The following PRKG1 variants were observed in gnomAD, a reference collection of about 807,000 sequenced individuals.
PRKG1 encodes cGMP-dependent protein kinase 1.
PRKG1 carries 35 observed loss-of-function variants against 88.1 expected under a neutral mutation model. That is an observed-to-expected ratio of 0.40 (90% confidence interval 0.30 to 0.53). The LOEUF is 0.53. Among genes scored for constraint, PRKG1 ranks in the 20% least tolerant of loss-of-function variants. The pLI is 0.59. For synonymous variants in PRKG1, 303 were observed against 292.5 expected (o/e 1.04, Z -0.37); for missense variants, 540 against 839.8 (o/e 0.64, Z 4.41).
At chr10:51,285,916 A>C (rs1256059722) in intron 2 of PRKG1, among the ~76,000 whole-genome samples, 1 of 152,180 alleles carries the variant, frequency 6.6e-6, no homozygotes, top group African/African-American at 2.4e-5. Flanking sequence ...GACCCACTGG[A>C]AATGAGTTAA....
intron 2 of PRKG1, among the ~76,000 whole-genome samples, chr10:51,461,554 C>T (rs1417304109): frequency 6.6e-6 from 1 of 152,088 alleles, no homozygotes; most frequent in South Asian, 2.1e-4. Flanking sequence ...GATTTTCAAA[C>T]ATCCAGATTA....
intron 2 of PRKG1, among the ~76,000 whole-genome samples, chr10:51,461,758 A>G (rs1232299402): frequency 6.6e-6 from 1 of 152,190 alleles, no homozygotes; most frequent in Admixed American, 6.5e-5. Flanking sequence ...CTTAAGAAAG[A>G]CATATATAAA....
In PRKG1 at chr10:51,016,673, C is replaced by CTTCTTTCTTTTTTTTTTTTTTTTTTTT. The variant is rs1564571435; in HGVS notation, c.266+25031_266+25032insCTTTCTTTTTTTTTTTTTTTTTTTTTT. Among the ~76,000 whole-genome samples the CTTCTTTCTTTTTTTTTTTTTTTTTTTT allele has an allele frequency of 7.7e-4, 27 of 35,192 alleles. 4 individuals are homozygous for CTTCTTTCTTTTTTTTTTTTTTTTTTTT. The highest frequency in any genetic ancestry group is 3.0e-3 in the African/African-American group (21 of 7,088). 23.1% of individuals were successfully genotyped at this position (35,192 alleles called of 152,430 possible). Reference sequence around the variant, plus strand: ...AGTGAAGAAGGTATTATTATCCTTTCTTTTTTTTTTTTTTTTTTTGGAATC... The same window carrying CTTCTTTCTTTTTTTTTTTTTTTTTTTT: ...AGTGAAGAAGGTATTATTATCCTTTCTTCTTTCTTTTTTTTTTTTTTTTTTTTTTTTTTTTTTTTTTTTTTTGGAATC... On this transcript the variant is annotated intron_variant, in intron 1 of 17. Coordinates refer to the PRKG1 transcript ENST00000401604.
rs570090403 is a variant in PRKG1 at position 51,838,825 on chromosome 10, A to G, written c.698+34135A>G. Among the ~76,000 whole-genome samples, 3 of 152,306 alleles carry G rather than the reference A, an allele frequency of 2.0e-5. No individual in the cohort carries two copies. The South Asian group carries it at 6.2e-4, about 32-fold the overall frequency. ...GCCTAATGGGAAGTGATGGGAAATA[A>G]AAACAACCAAGTTCGTTCTGAGGCA... On this transcript the variant is annotated intron_variant, in intron 4 of 17. Transcript: ENST00000373980.
intron 2 of PRKG1, among the ~76,000 whole-genome samples, chr10:51,201,282 T>C (rs1212136771): frequency 6.6e-6 from 1 of 151,902 alleles, no homozygotes; most frequent in African/African-American, 2.4e-5. Context: ...CCAAACTCCA[T>C]CTCAACTACA....
chr10:51,030,773 G>A lies in PRKG1; in HGVS notation c.266+39129G>A, dbSNP rs150099570. Reference sequence around the variant, plus strand: ...CCCCTCTCTCACCATGTGATACATCGGCTCCCCTTTGCCTTTCCACCATGA... The same window carrying A: ...CCCCTCTCTCACCATGTGATACATCAGCTCCCCTTTGCCTTTCCACCATGA... On this transcript the variant is annotated intron_variant, in intron 1 of 17. Coordinates refer to the PRKG1 transcript ENST00000401604. Among the ~76,000 whole-genome samples the A allele has an allele frequency of 9.2e-5, 14 of 152,126 alleles. 1 individual carries two copies. The East Asian group carries it at 2.7e-3, about 29-fold the overall frequency.
intron 9 of PRKG1, among the ~76,000 whole-genome samples, chr10:52,197,120 T>TC (rs1367229046): frequency 2.6e-5 from 4 of 152,206 alleles, no homozygotes; most frequent in African/African-American, 9.6e-5. Context: ...AGTTTTTTTT[T>TC]CCAGCTTTTG....
intron 5 of PRKG1, among the ~76,000 whole-genome samples, chr10:51,931,145 G>C (rs1033475158): frequency 3.9e-5 from 6 of 152,138 alleles, no homozygotes; most frequent in Non-Finnish European, 5.9e-5. Flanking sequence ...TTATGGAACT[G>C]AATATTCAAT....
chr10:51,913,604 G>C (rs1842273544), intron 5 of PRKG1, among the ~76,000 whole-genome samples: 1 of 152,124 alleles, frequency 6.6e-6, no homozygotes, highest in African/African-American at 2.4e-5. Context: ...TACAGGTATA[G>C]AGTTTCTTGG....
At chr10:51,272,913 TG>T (rs1840019279) in intron 2 of PRKG1, among the ~76,000 whole-genome samples, 1 of 152,202 alleles carries the variant, frequency 6.6e-6, no homozygotes, top group Non-Finnish European at 1.5e-5. Flanking sequence ...AATACTGTCA[TG>T]GCTTGTATTA....
chr10:51,271,736 A>G (rs1446421475), intron 2 of PRKG1, among the ~76,000 whole-genome samples: 1 of 152,218 alleles, frequency 6.6e-6, no homozygotes, highest in Admixed American at 6.5e-5. Context: ...TGTCCCTGCA[A>G]AGGGCATGAA....
intron 1 of PRKG1, among the ~76,000 whole-genome samples, chr10:51,086,589 C>G (rs1210199240): frequency 1.3e-5 from 2 of 152,026 alleles, no homozygotes; most frequent in Non-Finnish European, 2.9e-5. Context: ...ATTATATAAC[C>G]ACGATAGTTT....
intron 1 of PRKG1, among the ~76,000 whole-genome samples, chr10:51,014,741 A>G (rs1246160707): frequency 1.3e-5 from 2 of 152,160 alleles, no homozygotes; most frequent in Non-Finnish European, 1.5e-5. Flanking sequence ...TTTGTTTTAC[A>G]TATTTACATA....
intron 1 of PRKG1, among the ~76,000 whole-genome samples, chr10:51,105,556 T>C (rs1039247577): frequency 3.3e-5 from 5 of 152,326 alleles, no homozygotes; most frequent in African/African-American, 9.6e-5. Flanking sequence ...AGTAGTTATA[T>C]GGATGTCTAT....
intron 2 of PRKG1, among the ~76,000 whole-genome samples, chr10:51,448,434 A>G (rs1839336820): frequency 6.6e-6 from 1 of 152,026 alleles, no homozygotes; most frequent in African/African-American, 2.4e-5. Context: ...ATTCATTCTG[A>G]CACAGTCATG....
At chr10:51,496,061 T>C (rs1318350291) in intron 3 of PRKG1, among the ~76,000 whole-genome samples, 1 of 152,170 alleles carries the variant, frequency 6.6e-6, no homozygotes, top group African/African-American at 2.4e-5. Flanking sequence ...TCCAGTAAGC[T>C]CTGGTACATT....
chr10:51,402,383 T>C (rs1837773980), intron 2 of PRKG1, among the ~76,000 whole-genome samples: 2 of 152,170 alleles, frequency 1.3e-5, no homozygotes, highest in Non-Finnish European at 1.5e-5. Context: ...ATTCAATTCC[T>C]CACATGTCTG....
chr10:51,783,132 C>T (rs1353182709), intron 3 of PRKG1, among the ~76,000 whole-genome samples: 1 of 152,082 alleles, frequency 6.6e-6, no homozygotes, highest in African/African-American at 2.4e-5. Context: ...TAAATTGCCT[C>T]CTGATTTTCC....
intron 2 of PRKG1, among the ~76,000 whole-genome samples, chr10:51,181,590 A>G (rs564678158): frequency 1.3e-5 from 2 of 152,272 alleles, no homozygotes; most frequent in South Asian, 4.1e-4. Context: ...CTTATTTTAG[A>G]TAAGCAACAA....
Sources: allele counts gnomAD v4.1 joint callset (sites outside exome capture counted in the v4.1 genomes callset), GRCh38; gene constraint gnomAD v4.1.1; transcripts MANE v1.5; gene names NCBI Gene and HGNC (gene_info 2026-07-23, HGNC 2026-07-21).